DNAJB6: variants seen among roughly 807,000 people sequenced by gnomAD.
The protein encoded by DNAJB6 is dnaJ homolog subfamily B member 6.
Under a neutral mutation model 42.7 loss-of-function variants are expected in DNAJB6, and 16 were observed. The ratio of observed to expected loss-of-function variants is 0.37; its 90% CI spans 0.25 to 0.57. DNAJB6 has a LOEUF of 0.57. Ranked by LOEUF, DNAJB6 falls within the 20% of genes least tolerant of loss-of-function variation. DNAJB6 has a pLI of 0.74. For missense variants in DNAJB6, 347 were observed against 416.8 expected (o/e 0.83, Z 1.46); for synonymous variants, 170 against 163.5 (o/e 1.04, Z -0.30).
intron 5 of DNAJB6, among the ~76,000 whole-genome samples, chr7:157,371,707 G>T (rs1234629293): frequency 6.6e-6 from 1 of 152,200 alleles, no homozygotes; most frequent in Non-Finnish European, 1.5e-5. Context: ...ATATTAATAG[G>T]CAGTGGACTT....
chr7:157,410,416 C>G (rs369691350), intron 9 of DNAJB6: 1 of 342,158 alleles, frequency 2.9e-6, no homozygotes, highest in Non-Finnish European at 5.2e-6. Flanking sequence ...TTCACCTTCT[C>G]GTGCCTTCTT....
chr7:157,365,334 A>G (rs1175173695), intron 3 of DNAJB6, among the ~76,000 whole-genome samples: 1 of 152,246 alleles, frequency 6.6e-6, no homozygotes, highest in Non-Finnish European at 1.5e-5. Flanking sequence ...GTTCTGGGAT[A>G]TAAGTAGCAT....
intron 5 of DNAJB6, among the ~76,000 whole-genome samples, chr7:157,372,512 A>G (rs1285819965): frequency 6.6e-6 from 1 of 152,216 alleles, no homozygotes; most frequent in Non-Finnish European, 1.5e-5. Flanking sequence ...CCCGAGTGGG[A>G]CTGACTTAAA....
chr7:157,398,403 C>T (rs1008584808), intron 8 of DNAJB6, among the ~76,000 whole-genome samples: 1 of 152,246 alleles, frequency 6.6e-6, no homozygotes, highest in Non-Finnish European at 1.5e-5. Flanking sequence ...GGAGCAGTCT[C>T]CCCAGGGGCC....
chr7:157,396,142 T>G (rs918790520), intron 8 of DNAJB6, among the ~76,000 whole-genome samples: 3 of 151,802 alleles, frequency 2.0e-5, no homozygotes, highest in Non-Finnish European at 4.4e-5. Flanking sequence ...AGAGACAGAG[T>G]TTCACTATGT....
intron 1 of DNAJB6, among the ~76,000 whole-genome samples, chr7:157,357,148 CAAAA>C (rs1313191200): frequency 1.3e-5 from 2 of 149,304 alleles, no homozygotes; most frequent in Non-Finnish European, 3.0e-5. Context: ...AAAAAAAAAA[CAAAA>C]AACAAAAACC....
rs1289605970 is a variant in DNAJB6, at chr7:157,358,650, A to G, written c.65+13A>G. 1 of 1,601,512 alleles carries G rather than the reference A, an allele frequency of 6.2e-7. No homozygotes were observed. Among genetic ancestry groups the G allele is most frequent in the South Asian group, 1.1e-5 (1 of 90,784 alleles). ...ATATTAAAAAGGCGTAAGTAGTTTT[A>G]TTTCTGTGGTAATGCATTTTCACAG... On this transcript the variant is annotated intron_variant, in intron 2 of 9. Coordinates refer to ENST00000262177, the MANE Select transcript of DNAJB6 (RefSeq NM_058246.4).
intron 8 of DNAJB6, among the ~76,000 whole-genome samples, chr7:157,404,286 T>G (rs1795662617): frequency 6.7e-6 from 1 of 148,654 alleles, no homozygotes; most frequent in Non-Finnish European, 1.5e-5. Flanking sequence ...ACTGTGCAGT[T>G]TTTTTTTTCT....
intron 8 of DNAJB6, among the ~76,000 whole-genome samples, chr7:157,407,473 TGGC>T (rs1199143482): frequency 6.6e-6 from 1 of 152,188 alleles, no homozygotes; most frequent in Admixed American, 6.5e-5. Flanking sequence ...TTAAAAGTCA[TGGC>T]GGAGTATTGG....
At chr7:157,392,271 C>T (rs1017789408) in intron 8 of DNAJB6, among the ~76,000 whole-genome samples, 1 of 151,842 alleles carries the variant, frequency 6.6e-6, no homozygotes, top group Non-Finnish European at 1.5e-5. Flanking sequence ...CTGCGTGTGC[C>T]TCTTTTTCTG....
At chr7:157,389,972 G>C (rs984404217) in intron 8 of DNAJB6, among the ~76,000 whole-genome samples, 1 of 152,230 alleles carries the variant, frequency 6.6e-6, no homozygotes, top group South Asian at 2.1e-4. Context: ...CCTTTTCCCT[G>C]TACCCTGATT....
chr7:157,337,071 T>G lies in DNAJB6; in HGVS notation c.-100T>G, dbSNP rs930315664. On this transcript the variant is annotated 5_prime_UTR_variant, in exon 1 of 10. Coordinates refer to ENST00000262177, the MANE Select transcript of DNAJB6 (RefSeq NM_058246.4). Reference sequence around the variant, plus strand: ...GCCGCCGCCACCACCAGCGCAGCAGTCCTGGAGCTGTGAGGAGATTCGGGC... The same window carrying G: ...GCCGCCGCCACCACCAGCGCAGCAGGCCTGGAGCTGTGAGGAGATTCGGGC... 3 of 152,636 alleles carry G rather than the reference T, an allele frequency of 2.0e-5. No homozygotes were observed. The highest frequency in any genetic ancestry group is 4.8e-5 in the African/African-American group (2 of 41,452). The allele number at this position is 152,636 out of a possible 1,614,324, so 9.5% of individuals were successfully genotyped here. A position where few individuals can be genotyped will look rare whatever the true frequency, so the allele number is the denominator to read the frequency against.
chr7:157,383,179 G>T (rs1174318155), intron 6 of DNAJB6, among the ~76,000 whole-genome samples: 1 of 152,084 alleles, frequency 6.6e-6, no homozygotes, highest in Non-Finnish European at 1.5e-5. Flanking sequence ...GCTAATTTTT[G>T]TATTTTTAAT....
chr7:157,344,349 CAAAAAA>C (rs940085123), intron 1 of DNAJB6, among the ~76,000 whole-genome samples: 1 of 122,038 alleles, frequency 8.2e-6, no homozygotes, highest in Non-Finnish European at 1.8e-5. Flanking sequence ...GACTCCGTCT[CAAAAAA>C]AAAAAAAAAT....
At chr7:157,385,302 C>T (rs1800997115) in intron 7 of DNAJB6, among the ~76,000 whole-genome samples, 1 of 152,118 alleles carries the variant, frequency 6.6e-6, no homozygotes, top group Non-Finnish European at 1.5e-5. Flanking sequence ...GTTTTATAGC[C>T]TCTGCATGTA....
At chr7:157,356,734 G>A (rs115211702) in intron 1 of DNAJB6, among the ~76,000 whole-genome samples, 3,238 of 152,208 alleles carry the variant, frequency 0.021, 139 homozygotes, top group East Asian at 0.18. Context: ...ATAGGAACAA[G>A]TTTTTTTCTA....
At chr7:157,408,916 G>C (rs969833053) in intron 8 of DNAJB6, among the ~76,000 whole-genome samples, 1 of 152,200 alleles carries the variant, frequency 6.6e-6, no homozygotes, top group African/African-American at 2.4e-5. Flanking sequence ...CCGAAGTGCT[G>C]GGTGCGACAG....
At chr7:157,340,964 C>CTGTGTGTGTGTGTGTGTG (rs35976329) in intron 1 of DNAJB6, among the ~76,000 whole-genome samples, 1 of 146,088 alleles carries the variant, frequency 6.8e-6, no homozygotes, top group African/African-American at 2.6e-5. Flanking sequence ...CCGCACCTGG[C>CTGTGTGTGTGTGTGTGTG]TGTGTGTGTG....
intron 3 of DNAJB6, 59 bp from the exon 4 acceptor site, chr7:157,366,443 C>T (rs1229782504): frequency 5.7e-5 from 81 of 1,431,628 alleles, no homozygotes; most frequent in Non-Finnish European, 8.9e-6. Flanking sequence ...AATACCTTAT[C>T]TATTGAATTA....
Sources: gnomAD v4.1 joint callset for allele counts (sites outside exome capture counted in the v4.1 genomes callset) on GRCh38, gnomAD v4.1.1 for gene constraint, MANE v1.5 for transcripts, NCBI Gene and HGNC (gene_info 2026-07-23, HGNC 2026-07-21) for gene names.